Variants in BOP1 observed in about 807,000 individuals in gnomAD.
BOP1 encodes ribosome biogenesis protein BOP1.
A neutral mutation model predicts 82.9 loss-of-function variants in BOP1; 54 were observed. The observed-to-expected ratio is 0.65, with a 90% confidence interval of 0.52 to 0.82. The LOEUF (loss-of-function observed/expected upper bound fraction) is 0.82, where lower values mean the gene tolerates loss of function less well. BOP1 is among the 40% of genes least tolerant of loss of function. The pLI, the probability that BOP1 is intolerant of heterozygous loss-of-function variation, is 0.00. For synonymous variants in BOP1, 566 were observed against 451.1 expected, an observed-to-expected ratio of 1.25 and a Z score of -3.23; for missense variants, 1,170 against 1,072.0, an observed-to-expected ratio of 1.09 and a Z score of -1.28.
chr8:144,289,100 C>T lies in BOP1; in HGVS notation c.304G>A (p.Val102Met). 6.2e-7 allele frequency: 1 copy of T among 1,614,174 alleles called. No homozygotes were observed. The change falls in exon 2 of 16, where the codon GTG (valine) becomes ATG (methionine). Residue 102 changes from valine (V) to methionine (M), a missense_variant. By Grantham distance (21) the Val-to-Met change is conservative. Transcript: ENST00000569669. ...SGIKKTTEEQ[V>M]QASTPCPRTE... ...GGGGCTCCTCGCTCACCCACCTGCA[C>T]CTGCTCCTCAGTGGTCTTTTTAATC...
At chr8:144,271,055 C>T (rs1468884006) in intron 3 of BOP1, among the ~76,000 whole-genome samples, 2 of 148,336 alleles carry the variant, frequency 1.3e-5, no homozygotes, top group African/African-American at 5.0e-5. Flanking sequence ...GTGACCCCTC[C>T]GGGTCAGGCC....
rs1433456972 is a variant in BOP1, at chr8:144,263,158, C to CTGGCTGAG, written c.1606-25_1606-18dup. 3.4e-5 allele frequency: 54 copies of CTGGCTGAG among 1,593,294 alleles called. No individual in the cohort carries two copies. The highest frequency in any genetic ancestry group is 4.3e-5 in the Non-Finnish European group (51 of 1,178,714). ...CGTCACTGGCTGCAGGAGAGCAAGGCTGGCTGAGTGGCTGAGCCGGGCCCC... is the reference window on the plus strand; with the variant it reads ...CGTCACTGGCTGCAGGAGAGCAAGGCTGGCTGAGTGGCTGAGTGGCTGAGCCGGGCCCC... On this transcript the variant is annotated splice_polypyrimidine_tract_variant and intron_variant, in intron 12 of 15. Transcript: ENST00000569669.
In BOP1 at chr8:144,291,277, G is replaced by T; in HGVS notation, c.94C>A (p.Pro32Thr). 1 of 1,459,734 alleles carries T rather than the reference G, an allele frequency of 6.9e-7. No individual in the cohort carries two copies. The highest frequency in any genetic ancestry group is 9.0e-7 in the Non-Finnish European group (1 of 1,107,804). The allele number at this position is 1,459,734 out of a possible 1,614,324, so 90.4% of individuals were successfully genotyped here. ...SEPELEPEPEPEPPLLCTSPL... is the reference protein window; with the variant it reads ...SEPELEPEPETEPPLLCTSPL... ...CCCCGCATCGCCACAGTCACCTCCG[G>T]CTCGGGCTCAGGCTCCAGTTCGGGC... The change falls in exon 1 of 16, where the codon CCG becomes ACG. Residue 32 changes from proline to threonine, a missense_variant. Pro to Thr is a conservative substitution (Grantham distance 38). Transcript: ENST00000569669. The surrounding 1 kb of genome is among the most constrained non-coding windows in gnomAD (Gnocchi z 4.1).
rs1301473959 is a variant in BOP1, at chr8:144,291,342, G to T, written c.29C>A (p.Thr10Lys). The T allele has an allele frequency of 3.6e-6, 5 of 1,403,300 alleles. No homozygotes were observed. Among genetic ancestry groups the T allele is most frequent in the Non-Finnish European group, 3.7e-6 (4 of 1,074,508 alleles). 86.9% of individuals were successfully genotyped at this position (1,403,300 alleles called of 1,614,324 possible). A position where few individuals can be genotyped will look rare whatever the true frequency, so the allele number is the denominator to read the frequency against. Residue 10 changes from threonine (T) to lysine (K), a missense_variant, in exon 1 of 16, where the codon ACG (threonine) becomes AAG (lysine). By Grantham distance (78) the Thr-to-Lys change is moderately conservative. Transcript: ENST00000569669. The surrounding 1 kb of genome is among the most constrained non-coding windows in gnomAD (Gnocchi z 4.1). ...CTCCGGCCGCACGCTCGGCGCCGCC[G>T]TGCGCCCCGCACCCCGCGAACCCGC... MAGSRGAGR[T>K]AAPSVRPEKR...
At chr8:144,288,094 C>T (rs1280057060) in intron 2 of BOP1, among the ~76,000 whole-genome samples, 2 of 150,950 alleles carry the variant, frequency 1.3e-5, no homozygotes, top group East Asian at 1.9e-4. Context: ...GGTGAAACCC[C>T]GTCACTACTA....
intron 2 of BOP1, 117 bp from the exon 3 acceptor site, chr8:144,276,421 G>T (rs1845568825): frequency 8.4e-7 from 1 of 1,195,518 alleles, no homozygotes; most frequent in Admixed American, 2.0e-5. Flanking sequence ...CCTGGCACAG[G>T]CCTCAGCACA....
intron 3 of BOP1, among the ~76,000 whole-genome samples, chr8:144,270,048 A>G (rs62532303): frequency 3.0e-4 from 45 of 152,164 alleles, no homozygotes; most frequent in Middle Eastern, 3.2e-3. Flanking sequence ...GGGGGTTGCA[A>G]ACCTCCACAT....
At chr8:144,279,728 G>A (rs1588602546) in intron 2 of BOP1, among the ~76,000 whole-genome samples, 1 of 152,196 alleles carries the variant, frequency 6.6e-6, no homozygotes, top group South Asian at 2.1e-4. Flanking sequence ...CCACCCAAGG[G>A]AGGCAGCCCA....
intron 2 of BOP1, among the ~76,000 whole-genome samples, chr8:144,283,585 T>C (rs1455695944): frequency 6.6e-6 from 1 of 152,092 alleles, no homozygotes; most frequent in African/African-American, 2.4e-5. Flanking sequence ...AGTGCTGGGA[T>C]TACAGGTGTG....
chr8:144,268,006 C>T (rs898659958), intron 3 of BOP1: 62 of 1,531,248 alleles, frequency 4.0e-5, no homozygotes, highest in Middle Eastern at 4.5e-4. Flanking sequence ...GGTGCCTTGG[C>T]GCTGGCCACC....
At chr8:144,283,368 C>T (rs543959267) in intron 2 of BOP1, among the ~76,000 whole-genome samples, 7 of 152,244 alleles carry the variant, frequency 4.6e-5, no homozygotes, top group Non-Finnish European at 8.8e-5. Context: ...CCTTGGGCAA[C>T]AGCCATGAGG....
chr8:144,266,799 G>A, intron 3 of BOP1: 1 of 1,132,054 alleles, frequency 8.8e-7, no homozygotes, highest in East Asian at 4.6e-5. Flanking sequence ...GGCGGGCCGG[G>A]GGCGGGGGGC....
At chr8:144,273,433 A>G (rs1845524434) in intron 3 of BOP1, among the ~76,000 whole-genome samples, 2 of 152,184 alleles carry the variant, frequency 1.3e-5, no homozygotes, top group African/African-American at 4.8e-5. Context: ...GGCCAGCACC[A>G]CGGGGCACAG....
intron 3 of BOP1, among the ~76,000 whole-genome samples, chr8:144,267,642 C>T (rs1433121934): frequency 6.6e-6 from 1 of 152,228 alleles, no homozygotes; most frequent in Non-Finnish European, 1.5e-5. Flanking sequence ...GTCCGTCCCC[C>T]ACCTAGGCCG....
At chr8:144,267,076 G>A (rs1198084695) in intron 3 of BOP1, 6 of 1,404,426 alleles carry the variant, frequency 4.3e-6, no homozygotes, top group East Asian at 3.1e-5. Flanking sequence ...CGCGGCGCGC[G>A]CCGGCAGCCC....
chr8:144,287,473 A>G (rs575807764), intron 2 of BOP1, among the ~76,000 whole-genome samples: 46 of 152,140 alleles, frequency 3.0e-4, no homozygotes, highest in African/African-American at 1.1e-3. Context: ...GTGCTGCTAC[A>G]ATATCTACAT....
chr8:144,287,354 C>T (rs1037606866), intron 2 of BOP1, among the ~76,000 whole-genome samples: 12 of 152,080 alleles, frequency 7.9e-5, no homozygotes, highest in Admixed American at 1.3e-4. Flanking sequence ...TGTGTAAATC[C>T]TTAATTTAAA....
chr8:144,263,181 C>T, intron 12 of BOP1, 40 bp from the exon 13 acceptor site: 2 of 1,592,064 alleles, frequency 1.3e-6, no homozygotes, highest in Non-Finnish European at 1.7e-6. Flanking sequence ...TGAGCCGGGC[C>T]CCTCCCGCTG....
At chr8:144,285,025 C>T (rs1814826025) in intron 2 of BOP1, among the ~76,000 whole-genome samples, 4 of 152,182 alleles carry the variant, frequency 2.6e-5, no homozygotes, top group Non-Finnish European at 2.9e-5. Flanking sequence ...ACGCCCCGGG[C>T]CGGTCTGGGT....
Sources: allele counts gnomAD v4.1 joint callset (sites outside exome capture counted in the v4.1 genomes callset), GRCh38; gene constraint gnomAD v4.1.1; non-coding constraint Gnocchi (gnomAD v3.1); transcripts MANE v1.5; gene names NCBI Gene and HGNC (gene_info 2026-07-23, HGNC 2026-07-21).